Variants in JAK2 observed in about 807,000 individuals in gnomAD.
JAK2 encodes the protein Janus kinase 2, also known as tyrosine-protein kinase JAK2.
A neutral mutation model predicts 139.3 loss-of-function variants in JAK2; 86 were observed. That is an observed-to-expected ratio of 0.62 (90% CI 0.52 to 0.74). The LOEUF (loss-of-function observed/expected upper bound fraction) is 0.74, where lower values mean the gene tolerates loss of function less well. Among genes scored for constraint, JAK2 ranks in the 30% least tolerant of loss-of-function variants. The probability of loss-of-function intolerance (pLI) is 0.00; values close to 1 mark genes in which losing one functional copy is unlikely to be tolerated. For synonymous variants in JAK2, 490 were observed against 437.7 expected (o/e 1.12, Z -1.49); for missense variants, 1,421 against 1,360.3 (o/e 1.04, Z -0.70).
chr9:5,012,788 G>A (rs1821784830), intron 2 of JAK2, among the ~76,000 whole-genome samples: 1 of 152,142 alleles, frequency 6.6e-6, no homozygotes, highest in Non-Finnish European at 1.5e-5. Flanking sequence ...AGCAAGAGTT[G>A]TATGATGAGG....
chr9:5,122,326 G>A (rs1382522102), intron 22 of JAK2, among the ~76,000 whole-genome samples: 2 of 152,120 alleles, frequency 1.3e-5, no homozygotes, highest in African/African-American at 4.8e-5. Context: ...CACCATTGCT[G>A]TGACTTTTTC....
chr9:5,021,361 C>T (rs564918340), intron 2 of JAK2, among the ~76,000 whole-genome samples: 2 of 152,250 alleles, frequency 1.3e-5, no homozygotes, highest in Admixed American at 6.5e-5. Context: ...GAGATCTCTT[C>T]TTCTGTTGTC....
In JAK2 at chr9:5,111,021, C is replaced by G. The variant is rs963724159; in HGVS notation, c.3060-11983C>G. ...CCGTTGCCAACGGGAAGGGCCGGCC[C>G]GCCTCCCTGGCCGGGGCGCAATTCA... is the stretch of plus-strand genomic sequence containing the variant. On this transcript the variant is annotated intron_variant, in intron 22 of 24. Coordinates refer to ENST00000381652, the MANE Select transcript of JAK2 (RefSeq NM_004972.4). 48 of 801,494 alleles carry G rather than the reference C, an allele frequency of 6.0e-5. 1 individual carries two copies. The African/African-American group carries it at 6.7e-4, about 11-fold the overall frequency. 49.6% of individuals were successfully genotyped at this position (801,494 alleles called of 1,614,324 possible).
chr9:5,046,397 G>C (rs145085817), intron 5 of JAK2, among the ~76,000 whole-genome samples: 14 of 152,148 alleles, frequency 9.2e-5, no homozygotes, highest in Non-Finnish European at 1.9e-4. Context: ...ATGGACAAAA[G>C]TTTTAAATTT....
intron 19 of JAK2, chr9:5,086,241 G>T: frequency 3.5e-6 from 2 of 578,146 alleles, no homozygotes; most frequent in Non-Finnish European, 4.5e-6. Context: ...TGAAAGTCGC[G>T]GTAGGATGGT....
At chr9:5,013,581 C>T (rs904273108) in intron 2 of JAK2, among the ~76,000 whole-genome samples, 6 of 152,200 alleles carry the variant, frequency 3.9e-5, no homozygotes, top group Admixed American at 2.6e-4. Context: ...CAGGAACATG[C>T]TGTGTACATT....
intron 4 of JAK2, chr9:5,041,286 C>T (rs1293811187): frequency 9.8e-7 from 1 of 1,024,992 alleles, no homozygotes; most frequent in South Asian, 1.4e-5. Flanking sequence ...AAGGGGTACA[C>T]TGGTCTCAGG....
intron 22 of JAK2, among the ~76,000 whole-genome samples, chr9:5,105,827 T>C (rs1480088358): frequency 1.3e-5 from 2 of 152,246 alleles, no homozygotes; most frequent in African/African-American, 4.8e-5. Flanking sequence ...ATTCCTTATT[T>C]AATAAATGGT....
intron 2 of JAK2, among the ~76,000 whole-genome samples, chr9:4,998,987 AT>A (rs553934718): frequency 3.5e-4 from 50 of 143,756 alleles, no homozygotes; most frequent in Non-Finnish European, 3.2e-4. Flanking sequence ...ACGCCCGGCT[AT>A]TTTTTTTTTT....
chr9:5,091,553 G>T (rs913839382), intron 22 of JAK2: 1 of 152,000 alleles, frequency 6.6e-6, no homozygotes, highest in African/African-American at 2.4e-5. Context: ...GGTGGTTGCT[G>T]GTTGATCATT....
At chr9:5,080,073 G>C (rs980720058) in intron 16 of JAK2, among the ~76,000 whole-genome samples, 156 bp from the exon 17 acceptor site, 2 of 152,146 alleles carry the variant, frequency 1.3e-5, no homozygotes, top group African/African-American at 4.8e-5. Flanking sequence ...TGGTTCTTAA[G>C]CTTATGCAGT....
At position 5,044,225 on chromosome 9, in the gene JAK2, C is replaced by A. The variant is rs1046154373; in HGVS notation, c.351-178C>A. Among the ~76,000 whole-genome samples, 3 of 152,150 alleles carry A rather than the reference C, an allele frequency of 2.0e-5. 1 individual carries two copies. Among genetic ancestry groups the A allele is most frequent in the Non-Finnish European group, 4.4e-5 (3 of 68,018 alleles). On this transcript the variant is annotated intron_variant, in intron 4 of 24. Coordinates refer to ENST00000381652, the MANE Select transcript of JAK2 (RefSeq NM_004972.4). ...TTTACACTTACATTTCTTGTACTTT[C>A]TGCCTATATTAGTGTTATCCACATA...
At chr9:5,079,457 A>G (rs1373694403) in intron 16 of JAK2, among the ~76,000 whole-genome samples, 2 of 151,718 alleles carry the variant, frequency 1.3e-5, no homozygotes, top group African/African-American at 2.4e-5. Context: ...TTTTGGTGCA[A>G]TTTAGCCTTC....
chr9:5,022,604 A>G (rs1822501924), intron 3 of JAK2, among the ~76,000 whole-genome samples: 1 of 152,238 alleles, frequency 6.6e-6, no homozygotes, highest in Non-Finnish European at 1.5e-5. Flanking sequence ...ATGGCTGACA[A>G]ACCATCATTT....
At chr9:5,104,437 A>C (rs1320184410) in intron 22 of JAK2, among the ~76,000 whole-genome samples, 1 of 152,194 alleles carries the variant, frequency 6.6e-6, no homozygotes, top group Non-Finnish European at 1.5e-5. Context: ...CAACCAAAAA[A>C]AGTCCAGGAC....
rs1167204576 is a variant in JAK2 at position 5,081,845 on chromosome 9, T to A, written c.2555T>A (p.Leu852Gln). The A allele has an allele frequency of 6.2e-7, 1 of 1,612,824 alleles. No homozygotes were observed. The highest frequency in any genetic ancestry group is 1.1e-5 in the South Asian group (1 of 90,932). Reference sequence around the variant, plus strand: ...TTTGAAGAGAGACATTTGAAATTTCTACAGCAACTTGGCAAGGTAAATTGT... The same window carrying A: ...TTTGAAGAGAGACATTTGAAATTTCAACAGCAACTTGGCAAGGTAAATTGT... Reference protein sequence around the residue: ...TQFEERHLKFLQQLGKGNFGS... With the variant: ...TQFEERHLKFQQQLGKGNFGS... The change falls in exon 19 of 25, where the codon CTA (leucine) becomes CAA (glutamine). Residue 852 changes from leucine (L) to glutamine (Q), a missense_variant. Leu to Gln is a moderately radical substitution (Grantham distance 113). Transcript: ENST00000381652.
intron 2 of JAK2, among the ~76,000 whole-genome samples, chr9:4,989,698 G>A (rs1173821349): frequency 6.6e-6 from 1 of 152,184 alleles, no homozygotes; most frequent in Non-Finnish European, 1.5e-5. Flanking sequence ...CACTTGAGTT[G>A]AGCAGAGATT....
intron 22 of JAK2, chr9:5,114,415 A>G (rs1822950317): frequency 4.0e-6 from 2 of 500,698 alleles, no homozygotes; most frequent in South Asian, 1.8e-5. Context: ...GACTGGATCA[A>G]GGGGGAGACC....
chr9:5,093,064 C>T (rs1445524744), intron 22 of JAK2, among the ~76,000 whole-genome samples: 1 of 152,090 alleles, frequency 6.6e-6, no homozygotes, highest in Non-Finnish European at 1.5e-5. Context: ...CTGGTCTAAT[C>T]TATTATTTAA....
Sources: gnomAD v4.1 joint callset for allele counts (sites outside exome capture counted in the v4.1 genomes callset) on GRCh38, gnomAD v4.1.1 for gene constraint, MANE v1.5 for transcripts, NCBI Gene and HGNC (gene_info 2026-07-23, HGNC 2026-07-21) for gene names.